VEGFC: variants seen among roughly 807,000 people sequenced by gnomAD.
VEGFC encodes vascular endothelial growth factor C.
VEGFC carries 12 observed loss-of-function variants against 46.1 expected under a neutral mutation model. The observed-to-expected ratio is 0.26, with a 90% CI of 0.17 to 0.42. The LOEUF (loss-of-function observed/expected upper bound fraction) is 0.42, where lower values mean the gene tolerates loss of function less well. Among genes scored for constraint, VEGFC ranks in the 10% least tolerant of loss-of-function variants. The pLI, the probability that VEGFC is intolerant of heterozygous loss-of-function variation, is 1.00. For synonymous variants in VEGFC, 232 were observed against 195.5 expected, an observed-to-expected ratio of 1.19 and a Z score of -1.56; for missense variants, 488 against 529.4, an observed-to-expected ratio of 0.92 and a Z score of 0.77.
intron 1 of VEGFC, among the ~76,000 whole-genome samples, chr4:176,775,080 C>T (rs150493652): frequency 8.7e-4 from 133 of 152,206 alleles, no homozygotes; most frequent in African/African-American, 2.9e-3. Context: ...TGGGAAATAA[C>T]GTGGCAGAAG....
At chr4:176,755,077 T>C (rs1735409905) in intron 1 of VEGFC, among the ~76,000 whole-genome samples, 1 of 152,056 alleles carries the variant, frequency 6.6e-6, no homozygotes, top group Non-Finnish European at 1.5e-5. Context: ...AGTTTTCATG[T>C]AGTTACTTTC....
At chr4:176,785,311 C>T (rs1463830253) in intron 1 of VEGFC, among the ~76,000 whole-genome samples, 1 of 152,206 alleles carries the variant, frequency 6.6e-6, no homozygotes, top group African/African-American at 2.4e-5. Flanking sequence ...CATCTTTCCA[C>T]CTGTCCAAAT....
chr4:176,734,026 C>T (rs1189779349), intron 1 of VEGFC, among the ~76,000 whole-genome samples: 3 of 151,632 alleles, frequency 2.0e-5, no homozygotes, highest in Non-Finnish European at 4.4e-5. Context: ...TCTTCTGAGA[C>T]CTCTGAGTTG....
chr4:176,710,455 A>G (rs922769319), intron 4 of VEGFC, among the ~76,000 whole-genome samples: 4 of 152,174 alleles, frequency 2.6e-5, no homozygotes, highest in African/African-American at 9.6e-5. Context: ...AAATTAGGCT[A>G]TCTTCCAGGT....
intron 4 of VEGFC, among the ~76,000 whole-genome samples, chr4:176,708,411 A>G (rs1321701620): frequency 6.6e-6 from 1 of 152,100 alleles, no homozygotes; most frequent in African/African-American, 2.4e-5. Context: ...TAAACTTTAC[A>G]CTTCCTTTTT....
chr4:176,710,327 C>T (rs925970561), intron 4 of VEGFC, among the ~76,000 whole-genome samples: 3 of 152,242 alleles, frequency 2.0e-5, no homozygotes, highest in Non-Finnish European at 4.4e-5. Context: ...ATTGCACATA[C>T]GGCATCCTCT....
chr4:176,743,615 TATAG>T (rs1032598406), intron 1 of VEGFC, among the ~76,000 whole-genome samples: 32 of 150,396 alleles, frequency 2.1e-4, no homozygotes, highest in Middle Eastern at 3.5e-3. Context: ...TATATAATAT[TATAG>T]ATAGATATAG....
chr4:176,684,034 G>C lies in VEGFC; in HGVS notation c.1152C>G (p.Tyr384Ter). 1 of 1,613,516 alleles carries C rather than the reference G, an allele frequency of 6.2e-7. No homozygotes were observed. Among genetic ancestry groups the C allele is most frequent in the Non-Finnish European group, 8.5e-7 (1 of 1,179,440 alleles). ...KKFHHQTCSC[Y>*]RRPCTNRQKA... is the part of the protein sequence containing the mutation. ...TCTGGCGGTTCGTACATGGCCGTCTGTAACAGCTAGGAGAACAAACAAGAA... is the reference window on the plus strand; with the variant it reads ...TCTGGCGGTTCGTACATGGCCGTCTCTAACAGCTAGGAGAACAAACAAGAA... Residue 384 changes from tyrosine to a stop codon, truncating the protein, a stop_gained, in exon 7 of 7, where the codon TAC (tyrosine) becomes TAG (stop). Transcript: ENST00000618562. LOFTEE classifies it high-confidence loss of function.
Position 176,792,590 on chromosome 4 carries a change from G to A in VEGFC, c.-279C>T. On this transcript the variant is annotated 5_prime_UTR_variant, in exon 1 of 7. Transcript: ENST00000618562. This position sits in a 1 kb window ranked among gnomAD's most constrained non-coding sequence, Gnocchi z 6.3. ...CGAGCTCCCCGCATTCGGAGCCCGC[G>A]AGGTGAAGCGAGGGCGAGGGAGGAC... 3.1e-6 allele frequency: 1 copy of A among 320,414 alleles called. No individual in the cohort carries two copies. 19.8% of individuals were successfully genotyped at this position (320,414 alleles called of 1,614,324 possible).
At chr4:176,727,654 A>AAG in intron 3 of VEGFC, 124 bp downstream of exon 3, 1 of 617,060 alleles carries the variant, frequency 1.6e-6, no homozygotes, top group Non-Finnish European at 2.2e-6. Flanking sequence ...CCCTAAAGAA[A>AAG]ATATGAGACC....
chr4:176,720,596 T>C (rs1355828787), intron 3 of VEGFC, among the ~76,000 whole-genome samples: 1 of 152,070 alleles, frequency 6.6e-6, no homozygotes, highest in Non-Finnish European at 1.5e-5. Context: ...CCCAGCACTT[T>C]GGGAGGCAGA....
At chr4:176,688,297 T>A in intron 4 of VEGFC, among the ~76,000 whole-genome samples, 1 of 152,220 alleles carries the variant, frequency 6.6e-6, no homozygotes. Context: ...TGTCATTGAG[T>A]AGAGTTCTGC....
intron 1 of VEGFC, among the ~76,000 whole-genome samples, chr4:176,765,974 T>C (rs1473046028): frequency 2.0e-5 from 3 of 151,698 alleles, no homozygotes; most frequent in Non-Finnish European, 2.9e-5. Flanking sequence ...CTTTAGAATA[T>C]AGAAAATAAA....
Position 176,792,370 on chromosome 4 carries a change from G to A in VEGFC, c.-59C>T. The A allele has an allele frequency of 2.3e-6, 3 of 1,332,042 alleles. No homozygotes were observed. The highest frequency in any genetic ancestry group is 2.9e-6 in the Non-Finnish European group (3 of 1,022,526). 82.5% of individuals were successfully genotyped at this position (1,332,042 alleles called of 1,614,324 possible). On this transcript the variant is annotated 5_prime_UTR_variant, in exon 1 of 7. Transcript: ENST00000618562. This position sits in a 1 kb window ranked among gnomAD's most constrained non-coding sequence, Gnocchi z 6.3. Reference sequence around the variant, plus strand: ...TGGCGGGGGCAGGGGTGGGGGCGCGGGCGCCCCTGCGAGGCCGCGGGCCCC... The same window carrying A: ...TGGCGGGGGCAGGGGTGGGGGCGCGAGCGCCCCTGCGAGGCCGCGGGCCCC...
intron 1 of VEGFC, among the ~76,000 whole-genome samples, chr4:176,754,514 C>T (rs1321235362): frequency 6.6e-6 from 1 of 152,036 alleles, no homozygotes; most frequent in East Asian, 1.9e-4. Context: ...CTTCCTTCCA[C>T]ATTCAAAGCC....
chr4:176,780,386 A>AAAAAAAAAAAAC (rs1553997812), intron 1 of VEGFC, among the ~76,000 whole-genome samples: 10 of 144,386 alleles, frequency 6.9e-5, no homozygotes, highest in African/African-American at 2.5e-4. Flanking sequence ...CATCTCAAAA[A>AAAAAAAAAAAAC]AAAAAAAAAA....
intron 4 of VEGFC, among the ~76,000 whole-genome samples, chr4:176,688,749 CCT>C (rs756059484): frequency 7.9e-5 from 12 of 152,120 alleles, no homozygotes; most frequent in South Asian, 2.1e-4. Flanking sequence ...ACCTGAGACC[CCT>C]CTCTGTTGGT....
At chr4:176,744,569 A>C (rs544921608) in intron 1 of VEGFC, among the ~76,000 whole-genome samples, 64 of 152,210 alleles carry the variant, frequency 4.2e-4, no homozygotes, top group South Asian at 1.2e-3. Flanking sequence ...GGCATTTAGC[A>C]GAGGAGATTT....
intron 4 of VEGFC, among the ~76,000 whole-genome samples, chr4:176,709,570 C>T (rs1197859119): frequency 1.3e-5 from 2 of 152,072 alleles, no homozygotes; most frequent in Admixed American, 6.6e-5. Context: ...TTTGGAAAGG[C>T]AGAACACAAG....
Sources: gnomAD v4.1 joint callset for allele counts (sites outside exome capture counted in the v4.1 genomes callset) on GRCh38, gnomAD v4.1.1 for gene constraint, Gnocchi (gnomAD v3.1) non-coding constraint, MANE v1.5 for transcripts, NCBI Gene and HGNC (gene_info 2026-07-23, HGNC 2026-07-21) for gene names.